Variants in RAPGEF4 observed in about 807,000 individuals in gnomAD.
The protein encoded by RAPGEF4 is Rap guanine nucleotide exchange factor 4, also known as RAP guanine-nucleotide-exchange factor (GEF) 4.
RAPGEF4 carries 66 observed loss-of-function variants against 147.9 expected under a neutral mutation model. That is an observed-to-expected ratio of 0.45 (90% CI 0.37 to 0.55). The LOEUF (loss-of-function observed/expected upper bound fraction) is 0.55. Ranked by LOEUF, RAPGEF4 falls within the 20% of genes least tolerant of loss-of-function variation. The pLI is 0.00. For missense variants in RAPGEF4, 1,071 were observed against 1,257.3 expected, an observed-to-expected ratio of 0.85 and a Z score of 2.24; for synonymous variants, 419 against 442.7, an observed-to-expected ratio of 0.95 and a Z score of 0.67.
intron 4 of RAPGEF4, among the ~76,000 whole-genome samples, chr2:172,861,044 C>G (rs775579426): frequency 2.0e-5 from 3 of 151,906 alleles, no homozygotes; most frequent in Admixed American, 6.6e-5. Context: ...TTATTTTTAC[C>G]AAATTAGATT....
intron 10 of RAPGEF4, among the ~76,000 whole-genome samples, chr2:172,969,069 G>A (rs1317770273): frequency 2.0e-5 from 3 of 152,216 alleles, no homozygotes; most frequent in African/African-American, 7.2e-5. Context: ...ACTGGGCAGT[G>A]GCTAGGACCA....
At chr2:172,819,523 T>A (rs897460025) in intron 4 of RAPGEF4, among the ~76,000 whole-genome samples, 3 of 128,380 alleles carry the variant, frequency 2.3e-5, no homozygotes, top group Non-Finnish European at 4.7e-5. Flanking sequence ...TGGAGTGCAG[T>A]GGCGCGATCT....
chr2:173,017,353 A>G (rs1273518895), intron 20 of RAPGEF4, 73 bp from the exon 21 acceptor site: 4 of 1,514,790 alleles, frequency 2.6e-6, no homozygotes, highest in Admixed American at 1.7e-5. Flanking sequence ...TGCTTCTCAG[A>G]TGTGTCTTCT....
At chr2:172,998,147 A>G (rs937081272) in intron 16 of RAPGEF4, among the ~76,000 whole-genome samples, 8 of 152,238 alleles carry the variant, frequency 5.3e-5, no homozygotes, top group African/African-American at 1.9e-4. Context: ...CATAACTTGA[A>G]TATAAGGCAG....
intron 4 of RAPGEF4, among the ~76,000 whole-genome samples, chr2:172,890,804 T>G (rs1272152723): frequency 6.6e-6 from 1 of 152,192 alleles, no homozygotes; most frequent in Non-Finnish European, 1.5e-5. Flanking sequence ...GGGAATTCAG[T>G]GCAAAATGAA....
At chr2:172,998,912 A>G (rs144764577) in intron 16 of RAPGEF4, among the ~76,000 whole-genome samples, 49 of 152,372 alleles carry the variant, frequency 3.2e-4, no homozygotes, top group African/African-American at 1.1e-3. Flanking sequence ...GGAATGAGCT[A>G]TAAGATCTTT....
At chr2:172,986,129 C>A (rs902496438) in intron 12 of RAPGEF4, among the ~76,000 whole-genome samples, 3 of 152,242 alleles carry the variant, frequency 2.0e-5, no homozygotes, top group African/African-American at 7.2e-5. Flanking sequence ...CTACAAAAAT[C>A]TGGCTGGAAC....
chr2:172,899,073 C>G (rs1698807009), intron 4 of RAPGEF4, among the ~76,000 whole-genome samples: 1 of 152,136 alleles, frequency 6.6e-6, no homozygotes, highest in Non-Finnish European at 1.5e-5. Context: ...TTATTTAAAT[C>G]TGCAATAAAA....
chr2:172,766,370 A>C (rs1238130081), intron 1 of RAPGEF4, among the ~76,000 whole-genome samples: 1 of 152,178 alleles, frequency 6.6e-6, no homozygotes, highest in East Asian at 1.9e-4. Context: ...TAGCCAATAC[A>C]GCGAAACCCC....
At chr2:172,899,999 C>T (rs1698901612) in intron 4 of RAPGEF4, among the ~76,000 whole-genome samples, 1 of 152,228 alleles carries the variant, frequency 6.6e-6, no homozygotes, top group South Asian at 2.1e-4. Context: ...CTCCTCCTCC[C>T]CTCATGCCAG....
intron 15 of RAPGEF4, among the ~76,000 whole-genome samples, chr2:172,995,869 G>A (rs1693302389): frequency 6.6e-6 from 1 of 152,200 alleles, no homozygotes; most frequent in South Asian, 2.1e-4. Flanking sequence ...TTCTACTGCT[G>A]ATTTATTTCC....
In RAPGEF4 at chr2:172,886,801, T is replaced by C. The variant is rs142061797; in HGVS notation, c.445-31001T>C. ...CATTTGTTTCAGACCAAGTGGGACA[T>C]GATGCCCTATGCAAAGTGTTTTCCA... On this transcript the variant is annotated intron_variant, in intron 4 of 30. Coordinates refer to ENST00000397081, the MANE Select transcript of RAPGEF4 (RefSeq NM_007023.4). 3.5e-4 allele frequency among the ~76,000 whole-genome samples: 53 copies of C among 151,990 alleles called. 1 individual carries two copies. In the East Asian group the frequency reaches 9.5e-3, roughly 27 times the overall value.
chr2:172,906,203 A>C (rs1267829726), intron 4 of RAPGEF4, among the ~76,000 whole-genome samples: 1 of 152,224 alleles, frequency 6.6e-6, no homozygotes, highest in Non-Finnish European at 1.5e-5. Context: ...AGGCTTTCAG[A>C]GAAAGTACAG....
intron 4 of RAPGEF4, chr2:172,894,038 C>A (rs577476829): frequency 3.9e-5 from 6 of 152,460 alleles, no homozygotes; most frequent in African/African-American, 1.4e-4. Context: ...AAGACTTCTT[C>A]GTTCTTGAAT....
At chr2:173,009,146 GT>G (rs1224949914) in intron 17 of RAPGEF4, among the ~76,000 whole-genome samples, 1 of 152,146 alleles carries the variant, frequency 6.6e-6, no homozygotes, top group Non-Finnish European at 1.5e-5. Context: ...TGTACCAGAT[GT>G]TTTACAATTA....
chr2:172,797,472 T>G, intron 2 of RAPGEF4, 53 bp from the exon 3 acceptor site: 4 of 1,451,376 alleles, frequency 2.8e-6, no homozygotes, highest in Non-Finnish European at 3.8e-6. Context: ...GCAGATCATA[T>G]AGTAAAACCA....
intron 17 of RAPGEF4, among the ~76,000 whole-genome samples, chr2:173,007,132 C>T (rs1431818216): frequency 6.6e-6 from 1 of 152,192 alleles, no homozygotes; most frequent in African/African-American, 2.4e-5. Flanking sequence ...GTAATTGGCC[C>T]CTAGCTACCT....
At chr2:172,766,872 G>A (rs115064346) in intron 1 of RAPGEF4, among the ~76,000 whole-genome samples, 1,562 of 152,190 alleles carry the variant, frequency 0.01, 27 homozygotes, top group African/African-American at 0.034. Context: ...ATTCCATTGC[G>A]TGCATATACA....
intron 4 of RAPGEF4, among the ~76,000 whole-genome samples, chr2:172,824,879 T>TC (rs1689497347): frequency 6.6e-6 from 1 of 152,186 alleles, no homozygotes; most frequent in South Asian, 2.1e-4. Context: ...CTCTCAACTA[T>TC]CCCCAGACTA....
Sources: allele counts gnomAD v4.1 joint callset (sites outside exome capture counted in the v4.1 genomes callset), GRCh38; gene constraint gnomAD v4.1.1; transcripts MANE v1.5; gene names NCBI Gene and HGNC (gene_info 2026-07-23, HGNC 2026-07-21).